ZNF705G: variants seen among roughly 807,000 people sequenced by gnomAD.
The protein encoded by ZNF705G is zinc finger protein 705G.
Under a neutral mutation model 19.6 loss-of-function variants are expected in ZNF705G, and 23 were observed. The observed-to-expected ratio is 1.17, with a 90% CI of 0.84 to 1.66. ZNF705G has a LOEUF of 1.66. ZNF705G is among the 40% of genes most tolerant of loss of function. The pLI, the probability that ZNF705G is intolerant of heterozygous loss-of-function variation, is 0.00. For synonymous variants in ZNF705G, 146 were observed against 117.7 expected, an observed-to-expected ratio of 1.24 and a Z score of -1.56; for missense variants, 457 against 354.4, an observed-to-expected ratio of 1.29 and a Z score of -2.32.
At position 7,358,238 on chromosome 8, in the gene ZNF705G, T is replaced by C. The variant is rs770307155; in HGVS notation, c.641A>G (p.His214Arg). 6.2e-7 allele frequency: 1 copy of C among 1,607,606 alleles called. No individual in the cohort carries two copies. The highest frequency in any genetic ancestry group is 1.7e-5 in the Admixed American group (1 of 59,944). Reference protein sequence around the residue: ...LCRKAFTQCSHLRRHEKTHTG... With the variant: ...LCRKAFTQCSRLRRHEKTHTG... ...GTGAGTTTTCTCGTGTCTTCTAAGGTGAGAACACTGAGTGAAGGCTTTTCT... is the reference window on the plus strand; with the variant it reads ...GTGAGTTTTCTCGTGTCTTCTAAGGCGAGAACACTGAGTGAAGGCTTTTCT... The change falls in exon 7 of 7, where the codon CAC becomes CGC. Residue 214 changes from histidine to arginine, a missense_variant. Physicochemically the swap from His to Arg is conservative, Grantham distance 29. Coordinates refer to ENST00000400156, the MANE Select transcript of ZNF705G (RefSeq NM_001164457.3).
At chr8:7,361,793 C>A (rs1436561403) in intron 3 of ZNF705G, among the ~76,000 whole-genome samples, 1 of 145,984 alleles carries the variant, frequency 6.9e-6, no homozygotes, top group Non-Finnish European at 1.5e-5. Flanking sequence ...GTCATTGGTC[C>A]CTTATTCATT....
chr8:7,375,555 C>G (rs189211786), intron 2 of ZNF705G, among the ~76,000 whole-genome samples: 4 of 92,682 alleles, frequency 4.3e-5, no homozygotes, highest in East Asian at 7.2e-4. Flanking sequence ...AGTGAGATTA[C>G]TGGGTCAAAT....
intron 3 of ZNF705G, 29 bp from the exon 4 acceptor site, chr8:7,361,265 A>T (rs1226321417): frequency 6.3e-7 from 1 of 1,592,602 alleles, no homozygotes; most frequent in Non-Finnish European, 8.5e-7. Flanking sequence ...TTTAGTTTAG[A>T]CAGAGAAATT....
chr8:7,383,945 G>A (rs1323558856), intron 1 of ZNF705G, among the ~76,000 whole-genome samples: 3 of 141,388 alleles, frequency 2.1e-5, no homozygotes, highest in African/African-American at 6.0e-5. Flanking sequence ...AAGGAAGGCA[G>A]GGAGGAAACT....
At position 7,362,424 on chromosome 8, in the gene ZNF705G, C is replaced by T. The variant is rs1184274585; in HGVS notation, c.12+511G>A. On this transcript the variant is annotated intron_variant, in intron 3 of 6. Transcript: ENST00000400156. ...CACAGCTCTTGTCCAAGTCCTATCA[C>T]ACTGGATTTATTGAACTCAGCTGCT... Among the ~76,000 whole-genome samples, 5 of 149,660 alleles carry T rather than the reference C, an allele frequency of 3.3e-5. 1 individual carries two copies. Among genetic ancestry groups the T allele is most frequent in the African/African-American group, 7.7e-5 (3 of 39,064 alleles).
At chr8:7,371,601 T>C (rs1189158472) in intron 2 of ZNF705G, among the ~76,000 whole-genome samples, 1 of 101,772 alleles carries the variant, frequency 9.8e-6, no homozygotes, top group African/African-American at 3.4e-5. Context: ...GATGTACACC[T>C]TAAATATGTA....
intron 2 of ZNF705G, among the ~76,000 whole-genome samples, chr8:7,380,939 C>G (rs1378804092): frequency 1.5e-5 from 2 of 133,528 alleles, no homozygotes. Context: ...ATTGCTTGAG[C>G]CCAGGAGGCA....
rs543079698 is a variant in ZNF705G at position 7,360,980 on chromosome 8, T to C, written c.139+130A>G. ...CAGATAGATTTAGAGAGTTCAAACCTTTTTCAGATGAGATCTGTGAGAGAA... is the reference window on the plus strand; with the variant it reads ...CAGATAGATTTAGAGAGTTCAAACCCTTTTCAGATGAGATCTGTGAGAGAA... On this transcript the variant is annotated intron_variant, in intron 4 of 6. Coordinates refer to ENST00000400156, the MANE Select transcript of ZNF705G (RefSeq NM_001164457.3). 3,395 of 1,538,714 alleles carry C rather than the reference T, an allele frequency of 2.2e-3. 16 individuals carry two copies. Among genetic ancestry groups the C allele is most frequent in the Non-Finnish European group, 2.7e-3 (3,121 of 1,148,654 alleles).
intron 3 of ZNF705G, among the ~76,000 whole-genome samples, 156 bp downstream of exon 3, chr8:7,362,779 T>C (rs538565898): frequency 1.0e-4 from 15 of 149,368 alleles, no homozygotes; most frequent in Admixed American, 3.3e-4. Context: ...AGCCTCCTGA[T>C]TGCATTTGGA....
chr8:7,360,936 AAAAG>A (rs1367005864), intron 4 of ZNF705G, among the ~76,000 whole-genome samples, 170 bp downstream of exon 4: 2 of 149,702 alleles, frequency 1.3e-5, no homozygotes, highest in African/African-American at 2.6e-5. Flanking sequence ...AAATAAAATA[AAAAG>A]AAAGATATTT....
chr8:7,384,518 G>T (rs1388358547), intron 1 of ZNF705G, among the ~76,000 whole-genome samples: 1 of 145,982 alleles, frequency 6.9e-6, no homozygotes, highest in Non-Finnish European at 1.5e-5. Context: ...ACCTGTAAGA[G>T]GAACTTTTAA....
chr8:7,381,886 A>G (rs1189030910), intron 1 of ZNF705G, among the ~76,000 whole-genome samples: 1 of 151,704 alleles, frequency 6.6e-6, no homozygotes, highest in Non-Finnish European at 1.5e-5. Flanking sequence ...TGTATCTAAA[A>G]TAAGTTGAAA....
chr8:7,365,335 GC>G (rs2128839211), intron 2 of ZNF705G, among the ~76,000 whole-genome samples: 1 of 148,250 alleles, frequency 6.7e-6, no homozygotes, highest in Admixed American at 6.6e-5. Context: ...CAAGATGAGA[GC>G]CTGCACAGCT....
chr8:7,380,922 C>T (rs1388122666), intron 2 of ZNF705G, among the ~76,000 whole-genome samples: 1 of 131,512 alleles, frequency 7.6e-6, no homozygotes, highest in Non-Finnish European at 1.5e-5. Flanking sequence ...GAGGCTGAGG[C>T]AGGAGAATTG....
chr8:7,383,249 T>C (rs1807583511), intron 1 of ZNF705G, among the ~76,000 whole-genome samples: 2 of 148,714 alleles, frequency 1.3e-5, no homozygotes, highest in African/African-American at 5.2e-5. Context: ...AGTTTCTTAA[T>C]CATGTAGTGC....
chr8:7,378,115 A>T (rs1398954457), intron 2 of ZNF705G, among the ~76,000 whole-genome samples: 1 of 149,366 alleles, frequency 6.7e-6, no homozygotes, highest in Non-Finnish European at 1.5e-5. Flanking sequence ...TTTGTCTAGC[A>T]CTGTAACCCT....
chr8:7,381,605 G>T lies in ZNF705G; in HGVS notation c.-221-4C>A, dbSNP rs1807500087. On this transcript the variant is annotated splice_region_variant and splice_polypyrimidine_tract_variant and intron_variant, in intron 1 of 6. Transcript: ENST00000400156. Reference sequence around the variant, plus strand: ...TCAATTGAGGAGGACAAGTGATCTGGGAATGAGTTTGAATTCAGCTGGGAA... The same window carrying T: ...TCAATTGAGGAGGACAAGTGATCTGTGAATGAGTTTGAATTCAGCTGGGAA... 6.9e-6 allele frequency: 1 copy of T among 144,576 alleles called. No individual in the cohort carries two copies. Among genetic ancestry groups the T allele is most frequent in the Non-Finnish European group, 1.5e-5 (1 of 67,532 alleles). The allele number at this position is 144,576 out of a possible 1,614,324, so 9.0% of individuals were successfully genotyped here. A position where few individuals can be genotyped will look rare whatever the true frequency, so the allele number is the denominator to read the frequency against.
chr8:7,361,669 G>A (rs1258931691), intron 3 of ZNF705G, among the ~76,000 whole-genome samples: 11 of 149,606 alleles, frequency 7.4e-5, no homozygotes, highest in South Asian at 4.2e-4. Flanking sequence ...TTCTCCAGAT[G>A]AACCACAGGT....
At chr8:7,367,157 T>C (rs1257157990) in intron 2 of ZNF705G, among the ~76,000 whole-genome samples, 2 of 149,324 alleles carry the variant, frequency 1.3e-5, no homozygotes, top group Non-Finnish European at 1.5e-5. Context: ...TAAAATGTAA[T>C]AATGAGATGC....
Sources: allele counts gnomAD v4.1 joint callset (sites outside exome capture counted in the v4.1 genomes callset), GRCh38; gene constraint gnomAD v4.1.1; transcripts MANE v1.5; gene names NCBI Gene and HGNC (gene_info 2026-07-23, HGNC 2026-07-21).